Variants in SLC22A23 observed in about 807,000 individuals in gnomAD.
SLC22A23 encodes solute carrier family 22 member 23.
SLC22A23 carries 26 observed loss-of-function variants against 61.0 expected under a neutral mutation model. The observed-to-expected ratio is 0.43, with a 90% confidence interval of 0.31 to 0.59. SLC22A23 has a LOEUF of 0.59. Among genes scored for constraint, SLC22A23 ranks in the 20% least tolerant of loss-of-function variants. SLC22A23 has a pLI of 0.11. For missense variants in SLC22A23, 796 were observed against 934.7 expected (o/e 0.85, Z 1.94); for synonymous variants, 430 against 413.9 (o/e 1.04, Z -0.47).
At position 3,456,853 on chromosome 6, in the gene SLC22A23, C is replaced by T. The variant is rs937162099; in HGVS notation, c.-294G>A. The T allele has an allele frequency of 6.8e-6, 1 of 146,834 alleles. No homozygotes were observed. The highest frequency in any genetic ancestry group is 1.5e-5 in the Non-Finnish European group (1 of 65,980). 9.1% of individuals were successfully genotyped at this position (146,834 alleles called of 1,614,324 possible). A position where few individuals can be genotyped will look rare whatever the true frequency, so the allele number is the denominator to read the frequency against. ...GTTCCGCGGCCCGGGCGCCGGCTGC[C>T]GAGCCCGCCGCTCTCCGCTGCTCCG... On this transcript the variant is annotated 5_prime_UTR_variant, in exon 1 of 10. Coordinates refer to ENST00000406686, the MANE Select transcript of SLC22A23 (RefSeq NM_015482.2). This position sits in a 1 kb window ranked among gnomAD's most constrained non-coding sequence, Gnocchi z 7.1.
chr6:3,282,378 A>T, intron 9 of SLC22A23: 1 of 695,664 alleles, frequency 1.4e-6, no homozygotes, highest in Non-Finnish European at 2.6e-6. Flanking sequence ...ATGCCTTGGC[A>T]TTTCTGTCCA....
chr6:3,438,290 C>T (rs1771354822), intron 1 of SLC22A23, among the ~76,000 whole-genome samples: 1 of 152,216 alleles, frequency 6.6e-6, no homozygotes, highest in African/African-American at 2.4e-5. Flanking sequence ...CTCTGGATAC[C>T]CAAGGGGGCC....
intron 3 of SLC22A23, among the ~76,000 whole-genome samples, chr6:3,395,568 CAGAT>C (rs1025906407): frequency 4.6e-5 from 7 of 152,232 alleles, no homozygotes; most frequent in African/African-American, 9.6e-5. Context: ...CTTCAGGAGA[CAGAT>C]AGAGTAGCGC....
intron 3 of SLC22A23, among the ~76,000 whole-genome samples, chr6:3,396,257 G>A (rs1181516966): frequency 2.6e-5 from 4 of 152,170 alleles, no homozygotes; most frequent in South Asian, 2.1e-4. Flanking sequence ...GGCCTGCCAC[G>A]CCCCCATCCT....
Position 3,456,125 on chromosome 6 carries a change from C to T in SLC22A23, c.435G>A (p.Arg145=), listed in dbSNP as rs925076408. ...TELAGVTTTG[R]GGDMGNWTSL... is the part of the protein sequence containing the mutation. ...TGGTCCAGTTGCCCATGTCCCCGCC[C>T]CGGCCTGTGGTGGTGACCCCTGCCA... The change falls in exon 1 of 10, where the codon CGG becomes CGA. Residue 145 remains arginine, a synonymous_variant. Transcript: ENST00000406686. This position sits in a 1 kb window ranked among gnomAD's most constrained non-coding sequence, Gnocchi z 7.1. 6.4e-7 allele frequency: 1 copy of T among 1,550,932 alleles called. No homozygotes were observed. Among genetic ancestry groups the T allele is most frequent in the Non-Finnish European group, 8.7e-7 (1 of 1,146,828 alleles).
intron 2 of SLC22A23, among the ~76,000 whole-genome samples, chr6:3,411,740 A>T (rs534544484): frequency 2.3e-4 from 35 of 152,344 alleles, no homozygotes; most frequent in African/African-American, 7.9e-4. Context: ...TTTTAGTTCT[A>T]ACCATTCCCA....
rs569947696 is a variant in SLC22A23, at chr6:3,418,162, G to A, written c.655-2307C>T. On this transcript the variant is annotated intron_variant, in intron 1 of 9. Coordinates refer to ENST00000406686, the MANE Select transcript of SLC22A23 (RefSeq NM_015482.2). ...CATCATGCCTTTGGGAGCCTCAGTC[G>A]GGCACAATCTTGGCAGGAGAGGAAC... Among the ~76,000 whole-genome samples, 227 of 152,206 alleles carry A rather than the reference G, an allele frequency of 1.5e-3. 1 individual carries two copies. Among genetic ancestry groups the A allele is most frequent in the South Asian group, 9.3e-3 (45 of 4,814 alleles).
At chr6:3,301,892 C>G (rs114927725) in intron 4 of SLC22A23, among the ~76,000 whole-genome samples, 2 of 152,212 alleles carry the variant, frequency 1.3e-5, no homozygotes, top group African/African-American at 4.8e-5. Context: ...ATCCAAAATG[C>G]GGCATATTTG....
intron 4 of SLC22A23, among the ~76,000 whole-genome samples, chr6:3,319,318 T>C (rs927924370): frequency 6.6e-6 from 1 of 152,332 alleles, no homozygotes; most frequent in South Asian, 2.1e-4. Context: ...GCTGATCCCC[T>C]TTGTCTAGAA....
chr6:3,437,921 C>T (rs908780936), intron 1 of SLC22A23, among the ~76,000 whole-genome samples: 2 of 151,618 alleles, frequency 1.3e-5, no homozygotes, highest in African/African-American at 4.8e-5. Flanking sequence ...CTAATTTTTT[C>T]GTGAAGATTT....
chr6:3,409,154 T>G (rs1412742060), intron 3 of SLC22A23, among the ~76,000 whole-genome samples: 1 of 152,230 alleles, frequency 6.6e-6, no homozygotes, highest in Non-Finnish European at 1.5e-5. Flanking sequence ...ACAAGGGTTC[T>G]AAGACAAATG....
At chr6:3,447,331 C>G (rs1381239020) in intron 1 of SLC22A23, among the ~76,000 whole-genome samples, 1 of 152,184 alleles carries the variant, frequency 6.6e-6, no homozygotes, top group African/African-American at 2.4e-5. Context: ...ATAGACCAGT[C>G]TGTCTAGGTC....
chr6:3,366,332 C>CAAAAAAAAAAAAAAAAAAAAAAA (rs11387672), intron 3 of SLC22A23, among the ~76,000 whole-genome samples: 3 of 74,164 alleles, frequency 4.0e-5, no homozygotes, highest in African/African-American at 1.9e-4. Context: ...GACTCTGTCT[C>CAAAAAAAAAAAAAAAAAAAAAAA]AAAAAAAAAA....
chr6:3,374,493 T>C (rs1406807755), intron 3 of SLC22A23, among the ~76,000 whole-genome samples: 4 of 152,178 alleles, frequency 2.6e-5, no homozygotes, highest in Admixed American at 2.0e-4. Context: ...GAGCCAGCAA[T>C]GAGGGCGACA....
intron 3 of SLC22A23, among the ~76,000 whole-genome samples, chr6:3,381,852 G>A (rs926249164): frequency 1.3e-5 from 2 of 152,130 alleles, no homozygotes; most frequent in African/African-American, 4.8e-5. Context: ...GCCACCATGA[G>A]CAAGACACAC....
intron 1 of SLC22A23, among the ~76,000 whole-genome samples, chr6:3,424,593 C>T (rs1341738783): frequency 6.6e-6 from 1 of 152,206 alleles, no homozygotes; most frequent in Admixed American, 6.5e-5. Context: ...GCATCCTGTA[C>T]TCATGATAAA....
intron 3 of SLC22A23, among the ~76,000 whole-genome samples, chr6:3,363,981 C>T (rs986706741): frequency 6.6e-6 from 1 of 152,134 alleles, no homozygotes; most frequent in East Asian, 1.9e-4. Flanking sequence ...GGGCCCCAAA[C>T]GGTACTGACT....
intron 1 of SLC22A23, among the ~76,000 whole-genome samples, chr6:3,422,210 G>C (rs11966244): frequency 0.047 from 7,130 of 152,182 alleles, 436 homozygotes; most frequent in African/African-American, 0.14. Flanking sequence ...AGAAATGTAG[G>C]GTCAGCATTT....
intron 1 of SLC22A23, among the ~76,000 whole-genome samples, chr6:3,439,948 G>A (rs1329686289): frequency 6.6e-6 from 1 of 152,096 alleles, no homozygotes; most frequent in Non-Finnish European, 1.5e-5. Context: ...GGGATGATGG[G>A]GATGGAGGCA....
Sources: gnomAD v4.1 joint callset for allele counts (sites outside exome capture counted in the v4.1 genomes callset) on GRCh38, gnomAD v4.1.1 for gene constraint, Gnocchi (gnomAD v3.1) non-coding constraint, MANE v1.5 for transcripts, NCBI Gene and HGNC (gene_info 2026-07-23, HGNC 2026-07-21) for gene names.